Variants in DCLK3 observed in about 807,000 individuals in gnomAD.
DCLK3 encodes the protein serine/threonine-protein kinase DCLK3.
A neutral mutation model predicts 46.4 loss-of-function variants in DCLK3; 30 were observed. That is an observed-to-expected ratio of 0.65 (90% confidence interval 0.48 to 0.88). The LOEUF is 0.88. Ranked by LOEUF, DCLK3 falls within the 40% of genes least tolerant of loss-of-function variation. The pLI is 0.00. For missense variants in DCLK3, 846 were observed against 907.1 expected (o/e 0.93, Z 0.87); for synonymous variants, 401 against 339.2 (o/e 1.18, Z -2.00).
intron 1 of DCLK3, among the ~76,000 whole-genome samples, chr3:36,750,956 G>A (rs1295994139): frequency 2.0e-5 from 3 of 148,838 alleles, no homozygotes; most frequent in Non-Finnish European, 4.4e-5. Context: ...TGCCCTAGTT[G>A]TTAAGCCAGC....
At chr3:36,761,078 C>T (rs1701535545) in intron 1 of DCLK3, among the ~76,000 whole-genome samples, 1 of 152,168 alleles carries the variant, frequency 6.6e-6, no homozygotes, top group Non-Finnish European at 1.5e-5. Flanking sequence ...CCTTCAAAAC[C>T]AGCCCAAGCA....
At chr3:36,760,093 G>A (rs1274614831) in intron 1 of DCLK3, among the ~76,000 whole-genome samples, 2 of 152,156 alleles carry the variant, frequency 1.3e-5, no homozygotes, top group Non-Finnish European at 1.5e-5. Flanking sequence ...AGGAAGCTGG[G>A]TTTGATCCAT....
At chr3:36,726,921 A>G (rs1253542729) in intron 2 of DCLK3, among the ~76,000 whole-genome samples, 1 of 152,256 alleles carries the variant, frequency 6.6e-6, no homozygotes. Flanking sequence ...CATATACATT[A>G]ATCGTAGTTG....
chr3:36,736,762 C>A (rs1701267947), intron 2 of DCLK3, among the ~76,000 whole-genome samples: 1 of 152,214 alleles, frequency 6.6e-6, no homozygotes, highest in Non-Finnish European at 1.5e-5. Context: ...CAGACCCTTA[C>A]AGTGCTGCAC....
chr3:36,719,554 G>A (rs905077559), intron 3 of DCLK3, among the ~76,000 whole-genome samples: 2 of 152,148 alleles, frequency 1.3e-5, no homozygotes, highest in African/African-American at 4.8e-5. Context: ...GGGCTGCTCA[G>A]CCTTTTCTCT....
Position 36,713,323 on chromosome 3 carries a change from A to C in DCLK3, c.*2005T>G, listed in dbSNP as rs1700933872. The C allele has an allele frequency of 6.6e-6, 1 of 152,214 alleles. No individual in the cohort carries two copies. The highest frequency in any genetic ancestry group is 1.5e-5 in the Non-Finnish European group (1 of 68,038). The allele number at this position is 152,214 out of a possible 1,614,324, so 9.4% of individuals were successfully genotyped here. The stretch of plus-strand genomic sequence containing the variant: ...CAACAGGAGAAATTATTCAAAGAGA[A>C]AGTGGTCAATAGGGTCAAGTGATGC... On this transcript the variant is annotated 3_prime_UTR_variant, in exon 5 of 5. Transcript: ENST00000636136.
chr3:36,763,846 T>A (rs73824484), intron 1 of DCLK3, among the ~76,000 whole-genome samples: 1 of 152,334 alleles, frequency 6.6e-6, no homozygotes, highest in African/African-American at 2.4e-5. Context: ...TTCTGCAGCC[T>A]CACCGCACCT....
intron 1 of DCLK3, among the ~76,000 whole-genome samples, chr3:36,755,228 G>A (rs56133425): frequency 0.14 from 21,837 of 152,124 alleles, 1,925 homozygotes; most frequent in Middle Eastern, 0.23. Context: ...TTTGTAATTT[G>A]TAGGTTTTGT....
chr3:36,723,370 C>T (rs1701085229), intron 2 of DCLK3, among the ~76,000 whole-genome samples: 1 of 152,184 alleles, frequency 6.6e-6, no homozygotes, highest in African/African-American at 2.4e-5. Context: ...AAGAAAATCC[C>T]ATTTTCCAAG....
At chr3:36,734,232 T>G (rs1701232109) in intron 2 of DCLK3, among the ~76,000 whole-genome samples, 1 of 152,222 alleles carries the variant, frequency 6.6e-6, no homozygotes, top group South Asian at 2.1e-4. Flanking sequence ...ATGAGTCAAC[T>G]GTCAATCCAA....
At chr3:36,759,258 C>G (rs1701515836) in intron 1 of DCLK3, among the ~76,000 whole-genome samples, 1 of 152,142 alleles carries the variant, frequency 6.6e-6, no homozygotes, top group African/African-American at 2.4e-5. Context: ...TTTCTTCCAT[C>G]CCAGCCGCCA....
At chr3:36,746,782 T>C (rs1002361713) in intron 1 of DCLK3, among the ~76,000 whole-genome samples, 2 of 152,206 alleles carry the variant, frequency 1.3e-5, no homozygotes, top group African/African-American at 4.8e-5. Context: ...CATTTCCAAT[T>C]TACTATGTGC....
Position 36,764,318 on chromosome 3 carries a change from C to A in DCLK3, c.-55G>T. 1.4e-5 allele frequency: 3 copies of A among 214,518 alleles called. No individual in the cohort carries two copies. Among genetic ancestry groups the A allele is most frequent in the Non-Finnish European group, 2.7e-5 (3 of 109,348 alleles). The allele number at this position is 214,518 out of a possible 1,614,324, so 13.3% of individuals were successfully genotyped here. On this transcript the variant is annotated 5_prime_UTR_variant, in exon 1 of 5. Transcript: ENST00000636136. This position sits in a 1 kb window ranked among gnomAD's most constrained non-coding sequence, Gnocchi z 4.9. ...GAGCAGAGGTGGCAGCGCGGGGACG[C>A]GGCTCGACGGTCGAGCAGGCGCGGG... is the stretch of plus-strand genomic sequence containing the variant.
At chr3:36,749,207 C>T (rs1701418331) in intron 1 of DCLK3, among the ~76,000 whole-genome samples, 1 of 152,202 alleles carries the variant, frequency 6.6e-6, no homozygotes, top group Non-Finnish European at 1.5e-5. Context: ...GGCTGAGTTT[C>T]GCTTTTCTCA....
chr3:36,736,186 C>T (rs190447171), intron 2 of DCLK3, among the ~76,000 whole-genome samples: 34 of 152,260 alleles, frequency 2.2e-4, no homozygotes, highest in African/African-American at 7.7e-4. Flanking sequence ...AATATGTGGG[C>T]TGTGTTAGAT....
Position 36,726,917 on chromosome 3 carries a change from C to T in DCLK3, c.1960-5258G>A, listed in dbSNP as rs567324572. 3.9e-5 allele frequency among the ~76,000 whole-genome samples: 6 copies of T among 152,290 alleles called. No individual in the cohort carries two copies. The South Asian group carries it at 8.3e-4, about 21-fold the overall frequency. On this transcript the variant is annotated intron_variant, in intron 2 of 4. Coordinates refer to ENST00000636136, the MANE Select transcript of DCLK3 (RefSeq NM_001394672.2). ...CCAAAATGACCAGATGGATCATATA[C>T]ATTAATCGTAGTTGCTGGGTGACTG...
intron 1 of DCLK3, among the ~76,000 whole-genome samples, chr3:36,746,980 A>G (rs887659241): frequency 6.6e-6 from 1 of 152,228 alleles, no homozygotes; most frequent in Non-Finnish European, 1.5e-5. Flanking sequence ...ATATACAGTG[A>G]AATTCCAGAG....
intron 3 of DCLK3, among the ~76,000 whole-genome samples, chr3:36,720,264 G>GTAA (rs570859037): frequency 1.4e-3 from 214 of 152,294 alleles, no homozygotes; most frequent in African/African-American, 4.4e-3. Context: ...CACCATGAGT[G>GTAA]TAAGCTTCTT....
chr3:36,722,330 A>G (rs946291076), intron 2 of DCLK3, among the ~76,000 whole-genome samples: 4 of 152,222 alleles, frequency 2.6e-5, no homozygotes, highest in Non-Finnish European at 4.4e-5. Context: ...TCAATTGTAC[A>G]TTTTTAAATA....
Sources: gnomAD v4.1 joint callset for allele counts (sites outside exome capture counted in the v4.1 genomes callset) on GRCh38, gnomAD v4.1.1 for gene constraint, Gnocchi (gnomAD v3.1) non-coding constraint, MANE v1.5 for transcripts, NCBI Gene and HGNC (gene_info 2026-07-23, HGNC 2026-07-21) for gene names.